The following CTNND2 variants were observed in gnomAD, a reference collection of about 807,000 sequenced individuals.
CTNND2 encodes catenin delta-2.
In CTNND2, 22 loss-of-function variants were observed where a neutral mutation model predicts 144.4. That is an observed-to-expected ratio of 0.15 (90% CI 0.11 to 0.22). The LOEUF (loss-of-function observed/expected upper bound fraction) is 0.22. CTNND2 is among the 10% of genes least tolerant of loss of function. The probability of loss-of-function intolerance (pLI) is 1.00; values close to 1 mark genes in which losing one functional copy is unlikely to be tolerated. For synonymous variants in CTNND2, 751 were observed against 695.6 expected (o/e 1.08, Z -1.25); for missense variants, 1,353 against 1,618.8 (o/e 0.84, Z 2.82).
chr5:11,255,769 C>T (rs184860786), intron 9 of CTNND2, among the ~76,000 whole-genome samples: 3 of 152,218 alleles, frequency 2.0e-5, no homozygotes, highest in African/African-American at 7.2e-5. Flanking sequence ...CAATCAGTCA[C>T]GAGAGCTGGA....
chr5:11,655,592 A>C (rs2561626), intron 2 of CTNND2, among the ~76,000 whole-genome samples: 54,022 of 151,980 alleles, frequency 0.36, 12,946 homozygotes, highest in African/African-American at 0.69. Context: ...ATTAATAGAT[A>C]ATTTTTAAGG....
chr5:11,566,003 G>C (rs1777063518), intron 2 of CTNND2, among the ~76,000 whole-genome samples: 2 of 152,130 alleles, frequency 1.3e-5, no homozygotes, highest in Non-Finnish European at 1.5e-5. Context: ...CTGAAAAATA[G>C]CTCAGGAGTC....
At chr5:11,686,565 A>T (rs1331646984) in intron 2 of CTNND2, among the ~76,000 whole-genome samples, 1 of 152,064 alleles carries the variant, frequency 6.6e-6, no homozygotes. Flanking sequence ...TGTGAGCTCC[A>T]AAAAGGGGTT....
At chr5:11,232,965 T>C (rs925800946) in intron 10 of CTNND2, among the ~76,000 whole-genome samples, 2 of 152,174 alleles carry the variant, frequency 1.3e-5, no homozygotes, top group African/African-American at 4.8e-5. Context: ...GATGGTTTTA[T>C]AAGTGTCTGG....
At chr5:11,491,977 A>G (rs1053404233) in intron 3 of CTNND2, among the ~76,000 whole-genome samples, 8 of 152,228 alleles carry the variant, frequency 5.3e-5, no homozygotes, top group Admixed American at 2.0e-4. Flanking sequence ...ATTTTCAAGA[A>G]GAACAAGGAC....
intron 2 of CTNND2, among the ~76,000 whole-genome samples, chr5:11,592,810 G>A (rs1210509120): frequency 6.6e-6 from 1 of 151,230 alleles, no homozygotes; most frequent in Non-Finnish European, 1.5e-5. Flanking sequence ...AGAGCAAGCA[G>A]TCTTAAAGGA....
intron 5 of CTNND2, among the ~76,000 whole-genome samples, chr5:11,398,820 G>A (rs1760374539): frequency 6.6e-6 from 1 of 152,144 alleles, no homozygotes. Flanking sequence ...AGTCTCTGAG[G>A]GGAGATGCAT....
intron 2 of CTNND2, among the ~76,000 whole-genome samples, chr5:11,636,071 T>C (rs888616273): frequency 8.4e-6 from 1 of 119,002 alleles, no homozygotes; most frequent in South Asian, 2.9e-4. Flanking sequence ...CTACAGTAAC[T>C]TGAATGGAAT....
At chr5:11,890,104 A>G (rs1390457785) in intron 1 of CTNND2, among the ~76,000 whole-genome samples, 3 of 152,190 alleles carry the variant, frequency 2.0e-5, no homozygotes. Context: ...ATCTTGAAAA[A>G]GTAGCCTGAA....
chr5:11,388,142 T>C (rs138684946), intron 6 of CTNND2, among the ~76,000 whole-genome samples: 178 of 152,280 alleles, frequency 1.2e-3, no homozygotes, highest in African/African-American at 4.0e-3. Context: ...AAAGGAAAAG[T>C]ATAAACAATA....
At chr5:11,599,186 T>C (rs760939039) in intron 2 of CTNND2, among the ~76,000 whole-genome samples, 4 of 152,066 alleles carry the variant, frequency 2.6e-5, no homozygotes, top group Non-Finnish European at 5.9e-5. Context: ...CAATTCCACA[T>C]GAGATATGAG....
chr5:11,898,281 C>A (rs1283996273), intron 1 of CTNND2, among the ~76,000 whole-genome samples: 1 of 152,226 alleles, frequency 6.6e-6, no homozygotes, highest in Non-Finnish European at 1.5e-5. Context: ...CACATTCCTG[C>A]ACATTTTGTA....
At chr5:11,138,939 A>T (rs730610) in intron 12 of CTNND2, among the ~76,000 whole-genome samples, 94,815 of 151,904 alleles carry the variant, frequency 0.62, 29,653 homozygotes, top group East Asian at 0.74. Context: ...GGCACTGAGT[A>T]TTCTTTCCCT....
At chr5:11,050,729 C>T (rs1040522963) in intron 16 of CTNND2, among the ~76,000 whole-genome samples, 7 of 152,204 alleles carry the variant, frequency 4.6e-5, no homozygotes, top group African/African-American at 1.7e-4. Flanking sequence ...AGATTGCCAT[C>T]TCTATTCAGA....
chr5:11,381,409 G>C (rs1172584327), intron 7 of CTNND2, among the ~76,000 whole-genome samples: 1 of 152,106 alleles, frequency 6.6e-6, no homozygotes, highest in African/African-American at 2.4e-5. Context: ...CTCAGACTTG[G>C]CCTTCCACTC....
chr5:10,991,978 C>T (rs539665847), intron 19 of CTNND2, among the ~76,000 whole-genome samples: 7 of 152,296 alleles, frequency 4.6e-5, no homozygotes, highest in East Asian at 1.9e-4. Flanking sequence ...GGTGCAGTGG[C>T]GCGATCTCTG....
chr5:11,876,292 G>A (rs978335638), intron 1 of CTNND2, among the ~76,000 whole-genome samples: 75 of 151,484 alleles, frequency 5.0e-4, no homozygotes, highest in African/African-American at 1.7e-3. Context: ...GGGGAGAGTG[G>A]AAAGGGGAGA....
chr5:11,739,557 A>T (rs1479889450), intron 1 of CTNND2, among the ~76,000 whole-genome samples: 2 of 152,180 alleles, frequency 1.3e-5, no homozygotes, highest in Non-Finnish European at 2.9e-5. Flanking sequence ...GTAAAGATTG[A>T]GAGCTATTTA....
chr5:11,302,346 C>A (rs1378444280), intron 9 of CTNND2, among the ~76,000 whole-genome samples: 1 of 152,062 alleles, frequency 6.6e-6, no homozygotes, highest in Non-Finnish European at 1.5e-5. Context: ...CCTCCAGAGT[C>A]TTGCACACCT....
Sources: gnomAD v4.1 joint callset for allele counts (sites outside exome capture counted in the v4.1 genomes callset) on GRCh38, gnomAD v4.1.1 for gene constraint, MANE v1.5 for transcripts, NCBI Gene and HGNC (gene_info 2026-07-23, HGNC 2026-07-21) for gene names.